Variants in TMEM135 observed in about 807,000 individuals in gnomAD.
The protein encoded by TMEM135 is peroxisomal membrane protein 52.
TMEM135 carries 30 observed loss-of-function variants against 60.3 expected under a neutral mutation model. The ratio of observed to expected loss-of-function variants is 0.50; its 90% CI spans 0.37 to 0.68. The LOEUF is 0.68. TMEM135 is among the 30% of genes least tolerant of loss of function. The pLI is 0.00. For synonymous variants in TMEM135, 190 were observed against 186.7 expected, an observed-to-expected ratio of 1.02 and a Z score of -0.14; for missense variants, 468 against 548.8, an observed-to-expected ratio of 0.85 and a Z score of 1.47.
intron 4 of TMEM135, among the ~76,000 whole-genome samples, chr11:87,115,656 CTT>C (rs1426704430): frequency 7.2e-5 from 11 of 152,128 alleles, no homozygotes; most frequent in Non-Finnish European, 1.3e-4. Flanking sequence ...AGTATTTACT[CTT>C]GATTAAAATA....
chr11:87,080,168 G>GT lies in TMEM135; in HGVS notation c.362+8570dup, dbSNP rs35717116. ...CTTTCTTCTTTTGCCTGTTTGCAGT[G>GT]TTTTTTTTTTTTTTTTTGATATCAA... is the stretch of plus-strand genomic sequence containing the variant. On this transcript the variant is annotated intron_variant, in intron 3 of 14. Coordinates refer to ENST00000305494, the MANE Select transcript of TMEM135 (RefSeq NM_022918.4). Among the ~76,000 whole-genome samples the GT allele has an allele frequency of 7.6e-3, 981 of 128,300 alleles. 17 individuals are homozygous for GT. Among genetic ancestry groups the GT allele is most frequent in the African/African-American group, 0.021 (743 of 34,580 alleles). The allele number at this position is 128,300 out of a possible 152,430, so 84.2% of individuals were successfully genotyped here.
chr11:87,122,401 T>C (rs1937616456), intron 4 of TMEM135, among the ~76,000 whole-genome samples: 1 of 146,646 alleles, frequency 6.8e-6, no homozygotes. Context: ...ATCATAAAAA[T>C]CTCCAGAGTT....
intron 14 of TMEM135, among the ~76,000 whole-genome samples, chr11:87,320,037 C>T (rs1942794907): frequency 6.6e-6 from 1 of 152,082 alleles, no homozygotes; most frequent in South Asian, 2.1e-4. Flanking sequence ...TATAGTAGCG[C>T]TGGGTAAATT....
At chr11:87,252,202 A>G (rs1941431658) in intron 6 of TMEM135, among the ~76,000 whole-genome samples, 1 of 152,120 alleles carries the variant, frequency 6.6e-6, no homozygotes, top group Non-Finnish European at 1.5e-5. Context: ...AGTGAATAAG[A>G]GAAGATTGAA....
At chr11:87,139,778 C>T (rs1040667768) in intron 4 of TMEM135, among the ~76,000 whole-genome samples, 1 of 152,112 alleles carries the variant, frequency 6.6e-6, no homozygotes, top group Non-Finnish European at 1.5e-5. Flanking sequence ...TTTTAATTTG[C>T]ATTTTCCTAC....
intron 4 of TMEM135, among the ~76,000 whole-genome samples, chr11:87,146,808 A>G (rs672224): frequency 0.22 from 33,219 of 151,814 alleles, 4,250 homozygotes; most frequent in East Asian, 0.54. Flanking sequence ...CATCTTACAG[A>G]CAAAATCAAT....
Position 87,323,823 on chromosome 11 carries a change from A to C in TMEM135, c.*2490A>C. 2.2e-6 allele frequency: 1 copy of C among 453,520 alleles called. No homozygotes were observed. Among genetic ancestry groups the C allele is most frequent in the Non-Finnish European group, 4.4e-6 (1 of 226,668 alleles). The allele number at this position is 453,520 out of a possible 1,614,324, so 28.1% of individuals were successfully genotyped here. A position where few individuals can be genotyped will look rare whatever the true frequency, so the allele number is the denominator to read the frequency against. ...ATCAAATAATTTCAGGATCCATTTT[A>C]TTACTCATTTTTGAAGTAACACCTT... is the stretch of plus-strand genomic sequence containing the variant. On this transcript the variant is annotated 3_prime_UTR_variant, in exon 15 of 15. Transcript: ENST00000305494.
chr11:87,190,358 C>A (rs76649742), intron 5 of TMEM135, among the ~76,000 whole-genome samples: 7 of 152,022 alleles, frequency 4.6e-5, no homozygotes, highest in Admixed American at 3.9e-4. Flanking sequence ...TGATGGTGTT[C>A]GGTGAGAGAG....
intron 4 of TMEM135, among the ~76,000 whole-genome samples, chr11:87,114,924 A>G (rs1857841642): frequency 6.6e-6 from 1 of 152,210 alleles, no homozygotes; most frequent in South Asian, 2.1e-4. Context: ...GCAAATAGCT[A>G]GGAAAACAGA....
intron 6 of TMEM135, among the ~76,000 whole-genome samples, chr11:87,294,508 C>T (rs1046482505): frequency 1.3e-5 from 2 of 152,134 alleles, no homozygotes; most frequent in African/African-American, 4.8e-5. Flanking sequence ...GTCAGCCTCC[C>T]GAGTAGCTGG....
chr11:87,149,913 T>C (rs1441482270), intron 4 of TMEM135, among the ~76,000 whole-genome samples: 1 of 152,178 alleles, frequency 6.6e-6, no homozygotes, highest in Non-Finnish European at 1.5e-5. Flanking sequence ...AATATTTACA[T>C]GTAGTTTAAA....
intron 5 of TMEM135, among the ~76,000 whole-genome samples, chr11:87,163,325 A>G (rs1938943817): frequency 6.9e-6 from 1 of 145,022 alleles, no homozygotes; most frequent in Non-Finnish European, 1.5e-5. Context: ...ACTGAGAATG[A>G]TGATTTCCAA....
intron 5 of TMEM135, among the ~76,000 whole-genome samples, chr11:87,172,984 T>G (rs1939279291): frequency 6.6e-6 from 1 of 151,942 alleles, no homozygotes; most frequent in African/African-American, 2.4e-5. Flanking sequence ...TACACTTAAT[T>G]TTAATATTAT....
intron 4 of TMEM135, among the ~76,000 whole-genome samples, chr11:87,094,435 G>A (rs1384591056): frequency 6.6e-6 from 1 of 152,164 alleles, no homozygotes; most frequent in East Asian, 1.9e-4. Flanking sequence ...AATGAGTTCT[G>A]TGCTATTACT....
intron 6 of TMEM135, among the ~76,000 whole-genome samples, chr11:87,282,368 G>A (rs910948589): frequency 3.9e-5 from 6 of 152,036 alleles, no homozygotes; most frequent in Admixed American, 6.6e-5. Context: ...GGGTTCAAGC[G>A]ATTCTCCTGT....
intron 5 of TMEM135, among the ~76,000 whole-genome samples, chr11:87,219,474 G>C (rs1202831296): frequency 2.6e-5 from 4 of 152,010 alleles, no homozygotes; most frequent in Non-Finnish European, 5.9e-5. Flanking sequence ...GGCGGGGCTG[G>C]GGGGAGAGAG....
chr11:87,265,056 TG>T (rs1941722992), intron 6 of TMEM135, among the ~76,000 whole-genome samples: 1 of 152,044 alleles, frequency 6.6e-6, no homozygotes, highest in African/African-American at 2.4e-5. Flanking sequence ...GAAATTGGAA[TG>T]TTACTCACAG....
intron 5 of TMEM135, among the ~76,000 whole-genome samples, chr11:87,194,265 T>C (rs1939881769): frequency 6.6e-6 from 1 of 152,178 alleles, no homozygotes; most frequent in Non-Finnish European, 1.5e-5. Flanking sequence ...CACGTATTCT[T>C]AAAATCAACA....
intron 5 of TMEM135, among the ~76,000 whole-genome samples, chr11:87,221,432 A>G (rs1940614681): frequency 1.3e-5 from 2 of 152,316 alleles, no homozygotes; most frequent in South Asian, 4.1e-4. Context: ...TATTGACACC[A>G]TCGTTGTTAG....
Sources: allele counts gnomAD v4.1 joint callset (sites outside exome capture counted in the v4.1 genomes callset), GRCh38; gene constraint gnomAD v4.1.1; transcripts MANE v1.5; gene names NCBI Gene and HGNC (gene_info 2026-07-23, HGNC 2026-07-21).